The following NSD3 variants were observed in gnomAD, a reference collection of about 807,000 sequenced individuals.
NSD3 encodes nuclear receptor binding SET domain protein 3.
In NSD3, 24 loss-of-function variants were observed where a neutral mutation model predicts 160.8. The ratio of observed to expected loss-of-function variants is 0.15; its 90% confidence interval spans 0.11 to 0.21. The LOEUF (loss-of-function observed/expected upper bound fraction) is 0.21. Among genes scored for constraint, NSD3 ranks in the 10% least tolerant of loss-of-function variants. The probability of loss-of-function intolerance (pLI) is 1.00; values close to 1 mark genes in which losing one functional copy is unlikely to be tolerated. For synonymous variants in NSD3, 520 were observed against 600.0 expected (o/e 0.87, Z 1.95); for missense variants, 1,157 against 1,735.9 (o/e 0.67, Z 5.93).
chr8:38,375,796 AT>A (rs1241210979), intron 1 of NSD3, among the ~76,000 whole-genome samples: 28 of 152,022 alleles, frequency 1.8e-4, no homozygotes, highest in African/African-American at 6.8e-4. Flanking sequence ...TTTTCAAAAA[AT>A]AATAGACTGC....
chr8:38,295,514 T>C (rs1227653302), intron 16 of NSD3, among the ~76,000 whole-genome samples: 1 of 152,012 alleles, frequency 6.6e-6, no homozygotes, highest in Non-Finnish European at 1.5e-5. Context: ...TGAGCTGCGA[T>C]ACCACTGCAC....
chr8:38,322,012 C>T (rs948465578), intron 7 of NSD3, among the ~76,000 whole-genome samples: 2 of 152,170 alleles, frequency 1.3e-5, no homozygotes, highest in African/African-American at 4.8e-5. Context: ...ACCTGCAGTG[C>T]AGCTGTTCTC....
At chr8:38,315,364 G>A in intron 11 of NSD3, 52 bp downstream of exon 11, 1 of 1,484,426 alleles carries the variant, frequency 6.7e-7, no homozygotes, top group Non-Finnish European at 8.9e-7. Context: ...GTCTATTACT[G>A]GCAGAATATA....
In NSD3 at chr8:38,318,435, T is replaced by A. The variant is rs1057237330; in HGVS notation, c.1855+460A>T. Among the ~76,000 whole-genome samples the A allele has an allele frequency of 6.6e-6, 1 of 152,170 alleles. No individual in the cohort carries two copies. The highest frequency in any genetic ancestry group is 1.5e-5 in the Non-Finnish European group (1 of 68,026). On this transcript the variant is annotated intron_variant, in intron 9 of 23. Transcript: ENST00000317025. This position sits in a 1 kb window ranked among gnomAD's most constrained non-coding sequence, Gnocchi z 5.3. Reference sequence around the variant, plus strand: ...TAATAGTGGCCATAAATGCTATGAATCATTTTAATTTACAAAAAGATTTTA... The same window carrying A: ...TAATAGTGGCCATAAATGCTATGAAACATTTTAATTTACAAAAAGATTTTA...
Position 38,295,829 on chromosome 8 carries a change from T to C in NSD3, c.2882A>G (p.Lys961Arg). The C allele has an allele frequency of 6.2e-7, 1 of 1,613,426 alleles. No individual in the cohort carries two copies. The highest frequency in any genetic ancestry group is 8.5e-7 in the Non-Finnish European group (1 of 1,179,912). Residue 961 changes from lysine (K) to arginine (R), a missense_variant, in exon 16 of 24, where the codon AAG becomes AGG. Physicochemically the swap from Lys to Arg is conservative, Grantham distance 26. Transcript: ENST00000317025. Reference protein sequence around the residue: ...DCKAGKKLHYKQIVWVKLGNY... With the variant: ...DCKAGKKLHYRQIVWVKLGNY... The stretch of plus-strand genomic sequence containing the variant: ...TCCCAATTTGACCCAAACAATCTGC[T>C]TGTAATGTAGTTTCTTGCCAGCTTT...
At position 38,305,268 on chromosome 8, in the gene NSD3, T is replaced by G; in HGVS notation, c.2420A>C (p.Asp807Ala). ...HCCSACSMEK[D>A]IHKASKGRMM... ...TTTACCTTTACTTGCTTTGTGGATA[T>G]CTTTCTCCATAGAGCAGGCAGAGCA... is the stretch of plus-strand genomic sequence containing the variant. The change falls in exon 13 of 24, where the codon GAT (aspartate) becomes GCT (alanine). Residue 807 changes from aspartate (D) to alanine (A), a missense_variant. Around this residue, in one of 10 missense-constraint regions of NSD3, gnomAD observed 437 missense variants for 576.6 expected, o/e 0.76. Transcript: ENST00000317025. 2 of 1,614,176 alleles carry G rather than the reference T, an allele frequency of 1.2e-6. No individual in the cohort carries two copies. The highest frequency in any genetic ancestry group is 1.7e-6 in the Non-Finnish European group (2 of 1,179,998).
intron 4 of NSD3, among the ~76,000 whole-genome samples, chr8:38,334,680 A>T (rs1810165179): frequency 6.6e-6 from 1 of 152,132 alleles, no homozygotes; most frequent in African/African-American, 2.4e-5. Flanking sequence ...GAATCGCTTG[A>T]ACCTGGAAGG....
chr8:38,372,686 G>A (rs1453534393), intron 1 of NSD3, among the ~76,000 whole-genome samples: 40 of 150,584 alleles, frequency 2.7e-4, no homozygotes, highest in South Asian at 4.2e-4. Context: ...TAGTAGAGAC[G>A]GGTTTCGCCA....
At chr8:38,362,895 T>C (rs1475145676) in intron 1 of NSD3, among the ~76,000 whole-genome samples, 1 of 152,236 alleles carries the variant, frequency 6.6e-6, no homozygotes, top group Non-Finnish European at 1.5e-5. Flanking sequence ...ACTTCCTTTT[T>C]TGTATCATTT....
intron 2 of NSD3, among the ~76,000 whole-genome samples, chr8:38,345,781 G>A (rs1382102289): frequency 6.6e-6 from 1 of 151,622 alleles, no homozygotes; most frequent in African/African-American, 2.4e-5. Flanking sequence ...GTGGTGGTAT[G>A]CCTGTAGTCC....
intron 19 of NSD3, among the ~76,000 whole-genome samples, chr8:38,286,948 CA>C (rs1387529048): frequency 6.6e-6 from 1 of 152,164 alleles, no homozygotes; most frequent in African/African-American, 2.4e-5. Context: ...GCCCCTTTTC[CA>C]GCTTTATTTT....
chr8:38,353,974 G>A (rs943087633), intron 1 of NSD3, among the ~76,000 whole-genome samples: 2 of 152,088 alleles, frequency 1.3e-5, no homozygotes, highest in Non-Finnish European at 2.9e-5. Flanking sequence ...TACACTAAAC[G>A]CTAAAGGTCA....
At chr8:38,296,816 A>G (rs556721396) in intron 15 of NSD3, among the ~76,000 whole-genome samples, 1 of 151,912 alleles carries the variant, frequency 6.6e-6, no homozygotes, top group South Asian at 2.1e-4. Flanking sequence ...GCCTCAAGCA[A>G]TCCTCCTGCC....
intron 21 of NSD3, among the ~76,000 whole-genome samples, 182 bp from the exon 22 acceptor site, chr8:38,278,594 C>T (rs1312868382): frequency 6.6e-6 from 1 of 152,148 alleles, no homozygotes; most frequent in Non-Finnish European, 1.5e-5. Flanking sequence ...AACATCCCCA[C>T]CCAGGAACAA....
Position 38,316,085 on chromosome 8 carries a change from G to A in NSD3, c.1856-43C>T, listed in dbSNP as rs949280408. On this transcript the variant is annotated intron_variant, in intron 9 of 23. Coordinates refer to ENST00000317025, the MANE Select transcript of NSD3 (RefSeq NM_023034.2). The surrounding 1 kb of genome is among the most constrained non-coding windows in gnomAD (Gnocchi z 4.5). Reference sequence around the variant, plus strand: ...AAATTAATCCTAAAATAGTACTTAAGGTTTGTTTTAATTTTTTTGTGTGTG... The same window carrying A: ...AAATTAATCCTAAAATAGTACTTAAAGTTTGTTTTAATTTTTTTGTGTGTG... The A allele has an allele frequency of 6.3e-7, 1 of 1,594,962 alleles. No individual in the cohort carries two copies. The highest frequency in any genetic ancestry group is 8.5e-7 in the Non-Finnish European group (1 of 1,172,070).
At chr8:38,320,793 T>C (rs1809781407) in intron 8 of NSD3, 1 of 272,394 alleles carries the variant, frequency 3.7e-6, no homozygotes, top group African/African-American at 2.2e-5. Context: ...ATCATTCTGC[T>C]GATAACAGAA....
intron 16 of NSD3, among the ~76,000 whole-genome samples, chr8:38,295,167 T>C (rs1809105497): frequency 6.6e-6 from 1 of 151,438 alleles, no homozygotes; most frequent in Non-Finnish European, 1.5e-5. Context: ...AAAAAAAGTT[T>C]TTTTTGGAAA....
At chr8:38,367,104 A>C (rs182806875) in intron 1 of NSD3, among the ~76,000 whole-genome samples, 177 of 152,354 alleles carry the variant, frequency 1.2e-3, no homozygotes, top group African/African-American at 3.9e-3. Context: ...TGCCAGAGTA[A>C]GACAAACTCA....
chr8:38,348,038 C>A lies in NSD3; in HGVS notation c.134G>T (p.Gly45Val). 1 of 1,614,164 alleles carries A rather than the reference C, an allele frequency of 6.2e-7. No homozygotes were observed. The change falls in exon 2 of 24, where the codon GGC (glycine) becomes GTC (valine). Residue 45 changes from glycine to valine, a missense_variant. Around this residue, in one of 10 missense-constraint regions of NSD3, gnomAD observed 121 missense variants for 177.2 expected, o/e 0.68. Transcript: ENST00000317025. ...CAAAGTAGCTTCATATGGTGTCTGG[C>A]CACCATCTTCAGCAATGTCACTGTT... ...DNNSDIAEDG[G>V]QTPYEATLQQ...
Sources: allele counts gnomAD v4.1 joint callset (sites outside exome capture counted in the v4.1 genomes callset), GRCh38; gene constraint gnomAD v4.1.1; regional missense constraint gnomAD v4.1.1; non-coding constraint Gnocchi (gnomAD v3.1); transcripts MANE v1.5; gene names NCBI Gene and HGNC (gene_info 2026-07-23, HGNC 2026-07-21).